The following PCDH15 variants were observed in gnomAD, a reference collection of about 807,000 sequenced individuals.
PCDH15 encodes protocadherin related 15, also known as protocadherin-15.
Under a neutral mutation model 178.5 loss-of-function variants are expected in PCDH15, and 129 were observed. That is an observed-to-expected ratio of 0.72 (90% CI 0.63 to 0.84). The LOEUF (loss-of-function observed/expected upper bound fraction) is 0.84. PCDH15 is among the 40% of genes least tolerant of loss of function. PCDH15 has a pLI of 0.00. For missense variants in PCDH15, 2,230 were observed against 2,099.9 expected, an observed-to-expected ratio of 1.06 and a Z score of -1.21; for synonymous variants, 800 against 732.0, an observed-to-expected ratio of 1.09 and a Z score of -1.50.
intron 2 of PCDH15, among the ~76,000 whole-genome samples, chr10:55,622,182 T>C (rs1006963090): frequency 7.3e-6 from 1 of 137,586 alleles, no homozygotes; most frequent in Non-Finnish European, 1.5e-5. Flanking sequence ...ATTATATATA[T>C]ATACATTTTA....
chr10:53,893,545 T>G (rs1254330078), intron 26 of PCDH15, among the ~76,000 whole-genome samples: 1 of 152,206 alleles, frequency 6.6e-6, no homozygotes, highest in East Asian at 1.9e-4. Flanking sequence ...GGAACTAGCC[T>G]AAATGCCCAT....
At chr10:55,108,510 C>G (rs1837415728) in intron 2 of PCDH15, among the ~76,000 whole-genome samples, 1 of 152,050 alleles carries the variant, frequency 6.6e-6, no homozygotes, top group Non-Finnish European at 1.5e-5. Context: ...GATAGGAACA[C>G]AGACTAGAAG....
At chr10:54,597,261 G>A (rs80111865) in intron 2 of PCDH15, among the ~76,000 whole-genome samples, 2,779 of 152,110 alleles carry the variant, frequency 0.018, 40 homozygotes, top group Non-Finnish European at 0.029. Flanking sequence ...TTGGACAACA[G>A]CACAATAAAC....
chr10:54,408,011 T>C (rs530521425), intron 3 of PCDH15, among the ~76,000 whole-genome samples: 2 of 138,330 alleles, frequency 1.4e-5, no homozygotes, highest in African/African-American at 2.8e-5. Context: ...GTGGAGATCA[T>C]GTCCCTGAAC....
intron 2 of PCDH15, among the ~76,000 whole-genome samples, chr10:55,358,099 T>G (rs1474913129): frequency 1.3e-5 from 2 of 152,078 alleles, no homozygotes; most frequent in African/African-American, 4.8e-5. Context: ...ACTGGGTTTA[T>G]TAACAATCAT....
intron 8 of PCDH15, among the ~76,000 whole-genome samples, chr10:54,266,035 G>A (rs912905291): frequency 7.7e-6 from 1 of 130,370 alleles, no homozygotes; most frequent in African/African-American, 2.7e-5. Flanking sequence ...CAGTCATAAA[G>A]CAAGTGTCAA....
At chr10:53,814,478 AG>A (rs768406270) in intron 35 of PCDH15, among the ~76,000 whole-genome samples, 1 of 152,198 alleles carries the variant, frequency 6.6e-6, no homozygotes, top group Non-Finnish European at 1.5e-5. Flanking sequence ...AAATGTAATA[AG>A]AAGTATAGAA....
chr10:53,820,716 G>GAAAGT (rs369463978), intron 32 of PCDH15, among the ~76,000 whole-genome samples: 38 of 152,032 alleles, frequency 2.5e-4, no homozygotes, highest in African/African-American at 8.0e-4. Flanking sequence ...TACTAATATT[G>GAAAGT]AAAGTATAGT....
At chr10:54,567,636 AG>A (rs1345560950) in intron 2 of PCDH15, among the ~76,000 whole-genome samples, 2 of 152,216 alleles carry the variant, frequency 1.3e-5, no homozygotes, top group African/African-American at 2.4e-5. Flanking sequence ...GAATAGTTCA[AG>A]ATCTCTATGC....
At position 54,364,882 on chromosome 10, in the gene PCDH15, C is replaced by G. The variant is rs12781943; in HGVS notation, c.474+4238G>C. Among the ~76,000 whole-genome samples, 6 of 152,166 alleles carry G rather than the reference C, an allele frequency of 3.9e-5. No homozygotes were observed. In the South Asian group the frequency reaches 1.2e-3, roughly 32 times the overall value. On this transcript the variant is annotated intron_variant, in intron 5 of 37. Coordinates refer to ENST00000644397, the MANE Select transcript of PCDH15 (RefSeq NM_001384140.1). ...TATTTATTTTTATGTTGGTAGCTGT[C>G]GACTGGGGTTCCTTCAAGAGTATTC...
intron 36 of PCDH15, 89 bp from the exon 37 acceptor site, chr10:53,810,753 G>A (rs1232618548): frequency 2.6e-5 from 31 of 1,194,064 alleles, no homozygotes; most frequent in Middle Eastern, 1.9e-4. Context: ...TTTTTCTTCC[G>A]CCATTCAATC....
intron 1 of PCDH15, among the ~76,000 whole-genome samples, chr10:54,781,047 T>A (rs1438235265): frequency 6.6e-6 from 1 of 152,152 alleles, no homozygotes; most frequent in Non-Finnish European, 1.5e-5. Flanking sequence ...TTTTATTACC[T>A]CTACCTAAGC....
At chr10:55,322,198 G>T (rs996903824), upstream of PCDH15, among the ~76,000 whole-genome samples, 13 of 152,120 alleles carry the variant, frequency 8.5e-5, no homozygotes, top group Admixed American at 8.5e-4. Flanking sequence ...CCCTACCCAT[G>T]ATCTCTTGCC....
chr10:54,006,644 G>A (rs762494147), intron 20 of PCDH15, among the ~76,000 whole-genome samples: 29 of 152,196 alleles, frequency 1.9e-4, no homozygotes, highest in Non-Finnish European at 3.7e-4. Flanking sequence ...AGGTGTCCAC[G>A]GTTTCACAAA....
intron 3 of PCDH15, among the ~76,000 whole-genome samples, chr10:54,456,803 C>A (rs137955261): frequency 1.2e-4 from 19 of 152,076 alleles, no homozygotes; most frequent in African/African-American, 4.3e-4. Context: ...GGTTGGTTAC[C>A]CTCGTGTTGT....
At chr10:54,632,046 T>C (rs150232499) in intron 2 of PCDH15, among the ~76,000 whole-genome samples, 64 of 152,086 alleles carry the variant, frequency 4.2e-4, no homozygotes, top group African/African-American at 1.1e-3. Context: ...TAAGTGTCCA[T>C]AGATTGGATA....
At chr10:54,963,877 T>C (rs1005317834) in intron 2 of PCDH15, among the ~76,000 whole-genome samples, 1 of 152,176 alleles carries the variant, frequency 6.6e-6, no homozygotes, top group African/African-American at 2.4e-5. Flanking sequence ...TGACAAAAAT[T>C]GCCAGGGAAG....
At chr10:55,262,283 G>C (rs1450734439) in intron 1 of PCDH15, among the ~76,000 whole-genome samples, 1 of 152,116 alleles carries the variant, frequency 6.6e-6, no homozygotes, top group Non-Finnish European at 1.5e-5. Flanking sequence ...GAAGTCCTGG[G>C]TAGAGAAGGG....
intron 15 of PCDH15, among the ~76,000 whole-genome samples, chr10:54,102,785 A>G (rs963019870): frequency 6.6e-6 from 1 of 152,178 alleles, no homozygotes; most frequent in Non-Finnish European, 1.5e-5. Context: ...AAATGACCAC[A>G]GCATGAGTCC....
Sources: allele counts gnomAD v4.1 joint callset (sites outside exome capture counted in the v4.1 genomes callset), GRCh38; gene constraint gnomAD v4.1.1; transcripts MANE v1.5; gene names NCBI Gene and HGNC (gene_info 2026-07-23, HGNC 2026-07-21).